Variants in MARCHF1 observed in about 807,000 individuals in gnomAD.
MARCHF1 encodes the protein membrane associated ring-CH-type finger 1, also known as E3 ubiquitin-protein ligase MARCHF1.
In MARCHF1, 40 loss-of-function variants were observed where a neutral mutation model predicts 54.2. The observed-to-expected ratio is 0.74, with a 90% CI of 0.57 to 0.96. The LOEUF is 0.96. MARCHF1 is among the 40% of genes least tolerant of loss of function. MARCHF1 has a pLI of 0.00. For synonymous variants in MARCHF1, 236 were observed against 236.3 expected, an observed-to-expected ratio of 1.00 and a Z score of 0.01; for missense variants, 586 against 656.5, an observed-to-expected ratio of 0.89 and a Z score of 1.17.
At position 163,612,610 on chromosome 4, in the gene MARCHF1, T is replaced by G; in HGVS notation, c.671A>C (p.Glu224Ala). 6.5e-7 allele frequency: 1 copy of G among 1,535,592 alleles called. No individual in the cohort carries two copies. Among genetic ancestry groups the G allele is most frequent in the Non-Finnish European group, 8.7e-7 (1 of 1,146,548 alleles). ...SKGKEQQELI[E>A]CESCSLNLHR... ...GAGATTTAAAGAGCAACTCTCACAT[T>G]CAATCAGCTCTTGTTGCTCTTTACC... Residue 224 changes from glutamate (E) to alanine (A), a missense_variant, in exon 7 of 10, where the codon GAA becomes GCA. By Grantham distance (107) the Glu-to-Ala change is moderately radical. Transcript: ENST00000514618.
At chr4:164,342,240 C>T (rs192201893) in intron 1 of MARCHF1, among the ~76,000 whole-genome samples, 3 of 152,150 alleles carry the variant, frequency 2.0e-5, no homozygotes, top group Admixed American at 2.0e-4. Flanking sequence ...AAATGTAAAT[C>T]AGAACAACAA....
chr4:164,017,936 T>C (rs1366988050), intron 2 of MARCHF1, among the ~76,000 whole-genome samples: 1 of 151,624 alleles, frequency 6.6e-6, no homozygotes, highest in Non-Finnish European at 1.5e-5. Flanking sequence ...CTTTGTGGTG[T>C]AGGTATATGG....
At chr4:163,876,933 T>C (rs1750302226) in intron 3 of MARCHF1, among the ~76,000 whole-genome samples, 2 of 152,240 alleles carry the variant, frequency 1.3e-5, no homozygotes, top group South Asian at 2.1e-4. Flanking sequence ...ATAATAATGA[T>C]AATTAATAGG....
intron 1 of MARCHF1, among the ~76,000 whole-genome samples, chr4:164,176,660 G>A (rs1395711257): frequency 1.3e-5 from 2 of 150,322 alleles, no homozygotes; most frequent in African/African-American, 5.0e-5. Flanking sequence ...TTTTCTGAGA[G>A]GGATAGAGAT....
chr4:164,237,266 C>T (rs1433338691), intron 1 of MARCHF1, among the ~76,000 whole-genome samples: 1 of 152,132 alleles, frequency 6.6e-6, no homozygotes, highest in Non-Finnish European at 1.5e-5. Flanking sequence ...TTCACTAACA[C>T]CAGAAACCTT....
chr4:163,883,258 TGAG>T (rs757229703), intron 3 of MARCHF1, among the ~76,000 whole-genome samples: 19,992 of 145,322 alleles, frequency 0.14, 1,669 homozygotes, highest in Middle Eastern at 0.29. Context: ...TATATATATA[TGAG>T]AGAGAGAGAG....
At chr4:163,817,122 T>C (rs1300079122) in intron 4 of MARCHF1, among the ~76,000 whole-genome samples, 1 of 152,072 alleles carries the variant, frequency 6.6e-6, no homozygotes, top group Non-Finnish European at 1.5e-5. Flanking sequence ...CCAGGGTATT[T>C]TGGAAACGCC....
intron 7 of MARCHF1, among the ~76,000 whole-genome samples, chr4:163,597,355 T>G (rs1251507161): frequency 6.6e-6 from 1 of 152,228 alleles, no homozygotes; most frequent in Non-Finnish European, 1.5e-5. Flanking sequence ...GCTTATTTAT[T>G]CAGAATCCTG....
chr4:164,363,969 CA>C lies in MARCHF1; in HGVS notation c.-323+19900del, dbSNP rs201253573. Among the ~76,000 whole-genome samples, 35 of 151,892 alleles carry C rather than the reference CA, an allele frequency of 2.3e-4. No homozygotes were observed. In the East Asian group the frequency reaches 4.5e-3, roughly 19 times the overall value. ...AAACCCTAATCATCATAAAAATATA[CA>C]AAAAAGAATGAATATTTTCCTTTTG... On this transcript the variant is annotated intron_variant, in intron 1 of 9. Transcript: ENST00000514618.
At chr4:164,031,179 G>A (rs1753868759) in intron 2 of MARCHF1, among the ~76,000 whole-genome samples, 2 of 152,166 alleles carry the variant, frequency 1.3e-5, no homozygotes, top group Admixed American at 6.5e-5. Flanking sequence ...CAAGCTTTTG[G>A]TCATTCAATT....
intron 1 of MARCHF1, among the ~76,000 whole-genome samples, chr4:164,238,678 ACT>A (rs1324580141): frequency 1.3e-5 from 2 of 151,990 alleles, no homozygotes; most frequent in East Asian, 1.9e-4. Context: ...GAAAAAAGTT[ACT>A]GAGTTTCCTA....
chr4:164,284,319 T>TGAGAGAGAGA (rs1221486050), intron 1 of MARCHF1, among the ~76,000 whole-genome samples: 3 of 126,070 alleles, frequency 2.4e-5, no homozygotes, highest in African/African-American at 1.0e-4. Context: ...CTAAAGAAAG[T>TGAGAGAGAGA]GAGAGAGAGA....
At chr4:163,717,141 C>A (rs1745287405) in intron 4 of MARCHF1, among the ~76,000 whole-genome samples, 1 of 110,470 alleles carries the variant, frequency 9.1e-6, no homozygotes, top group Non-Finnish European at 1.8e-5. Flanking sequence ...TGCTATCCCT[C>A]CCCCCTCCCC....
intron 1 of MARCHF1, among the ~76,000 whole-genome samples, chr4:164,271,317 A>C (rs1733740976): frequency 6.6e-6 from 1 of 152,158 alleles, no homozygotes; most frequent in African/African-American, 2.4e-5. Flanking sequence ...GTTCTTAAAA[A>C]TGGAGAACCT....
intron 5 of MARCHF1, among the ~76,000 whole-genome samples, chr4:163,667,190 G>A (rs1418999831): frequency 6.6e-6 from 1 of 151,906 alleles, no homozygotes; most frequent in African/African-American, 2.4e-5. Flanking sequence ...TTAGATTCAG[G>A]AGGAAAGGTG....
At chr4:163,885,382 G>T (rs1750503197) in intron 3 of MARCHF1, among the ~76,000 whole-genome samples, 2 of 151,866 alleles carry the variant, frequency 1.3e-5, no homozygotes, top group African/African-American at 4.8e-5. Context: ...TGCCTTAAAA[G>T]ACACCATCAA....
chr4:164,300,236 CAATA>C (rs1358985126), intron 1 of MARCHF1, among the ~76,000 whole-genome samples: 2 of 152,056 alleles, frequency 1.3e-5, no homozygotes, highest in Non-Finnish European at 2.9e-5. Flanking sequence ...CTCTCTGCCA[CAATA>C]AATACCCCAG....
At chr4:164,324,065 T>A (rs1243607218) in intron 1 of MARCHF1, among the ~76,000 whole-genome samples, 3 of 151,802 alleles carry the variant, frequency 2.0e-5, no homozygotes, top group African/African-American at 7.2e-5. Context: ...ATGAAAACTT[T>A]AAAGTAAAAT....
chr4:163,556,846 A>G (rs1739308543), intron 8 of MARCHF1, among the ~76,000 whole-genome samples: 1 of 151,258 alleles, frequency 6.6e-6, no homozygotes, highest in Non-Finnish European at 1.5e-5. Context: ...CACCATACTG[A>G]CTCAGCGTTT....
Sources: allele counts gnomAD v4.1 joint callset (sites outside exome capture counted in the v4.1 genomes callset), GRCh38; gene constraint gnomAD v4.1.1; transcripts MANE v1.5; gene names NCBI Gene and HGNC (gene_info 2026-07-23, HGNC 2026-07-21).